Variants in TBC1D1 observed in about 807,000 individuals in gnomAD.
TBC1D1 encodes TBC1 domain family member 1, also known as TBC1 (tre-2/USP6, BUB2, cdc16) domain family, member 1.
Under a neutral mutation model 125.6 loss-of-function variants are expected in TBC1D1, and 89 were observed. That is an observed-to-expected ratio of 0.71 (90% confidence interval 0.60 to 0.85). The LOEUF (loss-of-function observed/expected upper bound fraction) is 0.85. TBC1D1 is among the 40% of genes least tolerant of loss of function. The pLI, the probability that TBC1D1 is intolerant of heterozygous loss-of-function variation, is 0.00. For synonymous variants in TBC1D1, 565 were observed against 564.1 expected, an observed-to-expected ratio of 1.00 and a Z score of -0.02; for missense variants, 1,377 against 1,469.2, an observed-to-expected ratio of 0.94 and a Z score of 1.03.
intron 2 of TBC1D1, among the ~76,000 whole-genome samples, chr4:37,921,904 T>A (rs535702025): frequency 4.0e-5 from 6 of 149,040 alleles, no homozygotes; most frequent in South Asian, 2.1e-4. Flanking sequence ...CCAGCTAATT[T>A]AAAAAAAAAA....
At position 38,014,695 on chromosome 4, in the gene TBC1D1, C is replaced by G. The variant is rs1431718474; in HGVS notation, c.604C>G (p.His202Asp). The stretch of plus-strand genomic sequence containing the variant: ...CGACGAGTGCATCGAGAAGTTCAAT[C>G]ACGTCAGCGGCAGCCGGGGGTCCGA... The change falls in exon 3 of 20, where the codon CAC becomes GAC. Residue 202 changes from histidine (H) to aspartate (D), a missense_variant. Physicochemically the swap from His to Asp is moderately conservative, Grantham distance 81. Transcript: ENST00000261439. The surrounding 1 kb of genome is among the most constrained non-coding windows in gnomAD (Gnocchi z 5.1). The G allele has an allele frequency of 2.5e-6, 4 of 1,612,886 alleles. No homozygotes were observed. The African/African-American group carries it at 5.3e-5, about 22-fold the overall frequency.
At chr4:38,012,875 C>G (rs865928340) in intron 2 of TBC1D1, among the ~76,000 whole-genome samples, 5 of 152,090 alleles carry the variant, frequency 3.3e-5, no homozygotes, top group South Asian at 4.1e-4. Context: ...CTCACTGCAA[C>G]CTCCGCCTCC....
At chr4:38,136,721 T>C (rs976499485) in intron 19 of TBC1D1, among the ~76,000 whole-genome samples, 2 of 152,210 alleles carry the variant, frequency 1.3e-5, no homozygotes, top group Admixed American at 6.5e-5. Context: ...AGTAACAAAC[T>C]TACAAGTCTC....
Position 37,992,493 on chromosome 4 carries a change from G to GTT in TBC1D1, c.418-21998_418-21997dup, listed in dbSNP as rs1006353203. On this transcript the variant is annotated intron_variant, in intron 2 of 19. Coordinates refer to ENST00000261439, the MANE Select transcript of TBC1D1 (RefSeq NM_015173.4). ...TAAGGTCAAGGACTAGAAGTCTGGT[G>GTT]TTTTTTTTTTTTTTTTTTTGAGACG... 1.1e-3 allele frequency among the ~76,000 whole-genome samples: 140 copies of GTT among 125,512 alleles called. 1 individual carries two copies. The highest frequency in any genetic ancestry group is 2.0e-3 in the Admixed American group (25 of 12,732). 82.3% of individuals were successfully genotyped at this position (125,512 alleles called of 152,430 possible).
Position 37,930,254 on chromosome 4 carries a change from A to G in TBC1D1, c.417+27742A>G, listed in dbSNP as rs1722993754. ...TCAAATCAGATGGGAGAAAATACAT[A>G]CTGTATGACTCCATGTATTTAAATT... is the stretch of plus-strand genomic sequence containing the variant. On this transcript the variant is annotated intron_variant, in intron 2 of 19. Transcript: ENST00000261439. Among the ~76,000 whole-genome samples the G allele has an allele frequency of 2.0e-5, 3 of 152,216 alleles. No individual in the cohort carries two copies. The South Asian group carries it at 6.2e-4, about 31-fold the overall frequency.
chr4:37,899,635 T>C (rs917158746), intron 1 of TBC1D1, among the ~76,000 whole-genome samples: 2 of 152,134 alleles, frequency 1.3e-5, no homozygotes, highest in Non-Finnish European at 2.9e-5. Flanking sequence ...TGGTACTCAA[T>C]AGAAGTCAGC....
intron 18 of TBC1D1, 38 bp downstream of exon 20, chr4:38,125,169 T>A: frequency 6.3e-7 from 1 of 1,592,154 alleles, no homozygotes; most frequent in Non-Finnish European, 8.6e-7. Flanking sequence ...GCTTAAGCCA[T>A]CCTAGATATG....
At chr4:37,981,589 AG>A (rs1439012968) in intron 2 of TBC1D1, among the ~76,000 whole-genome samples, 9 of 152,144 alleles carry the variant, frequency 5.9e-5, no homozygotes, top group African/African-American at 1.9e-4. Flanking sequence ...GGGGTGGTGC[AG>A]GGGTGGCATT....
intron 2 of TBC1D1, among the ~76,000 whole-genome samples, chr4:38,011,481 A>G (rs1255209256): frequency 1.3e-5 from 2 of 152,224 alleles, no homozygotes; most frequent in Non-Finnish European, 2.9e-5. Context: ...TACTTGACTA[A>G]CTTAAAGTAA....
intron 12 of TBC1D1, among the ~76,000 whole-genome samples, chr4:38,069,318 T>A (rs4832984): frequency 0.32 from 48,097 of 152,088 alleles, 8,007 homozygotes; most frequent in East Asian, 0.62. Flanking sequence ...TTCAGCTCCT[T>A]GTGAGAGGAA....
At chr4:37,949,987 T>A (rs1029400334) in intron 2 of TBC1D1, among the ~76,000 whole-genome samples, 3 of 152,154 alleles carry the variant, frequency 2.0e-5, no homozygotes, top group African/African-American at 4.8e-5. Context: ...ATACCCTTTT[T>A]TACTGGCCTT....
intron 2 of TBC1D1, among the ~76,000 whole-genome samples, chr4:38,000,444 T>C (rs1257995893): frequency 6.6e-6 from 1 of 152,234 alleles, no homozygotes; most frequent in East Asian, 1.9e-4. Context: ...TACTCACCAG[T>C]TGAGCATCCC....
chr4:37,995,759 C>T lies in TBC1D1; in HGVS notation c.418-18750C>T, dbSNP rs1460664540. The T allele has an allele frequency of 3.8e-6, 2 of 533,054 alleles. No homozygotes were observed. The highest frequency in any genetic ancestry group is 3.8e-5 in the African/African-American group (2 of 52,228). 33.0% of individuals were successfully genotyped at this position (533,054 alleles called of 1,614,324 possible). A position where few individuals can be genotyped will look rare whatever the true frequency, so the allele number is the denominator to read the frequency against. On this transcript the variant is annotated intron_variant, in intron 2 of 19. Coordinates refer to ENST00000261439, the MANE Select transcript of TBC1D1 (RefSeq NM_015173.4). The surrounding 1 kb of genome is among the most constrained non-coding windows in gnomAD (Gnocchi z 4.3). The stretch of plus-strand genomic sequence containing the variant: ...ACGGCTTGCACTTTGGTCTTAACTG[C>T]ATTCACCCTCTCCAGCACCTTCTCC...
chr4:38,104,835 A>G (rs1761003485), intron 15 of TBC1D1, among the ~76,000 whole-genome samples: 2 of 151,336 alleles, frequency 1.3e-5, no homozygotes, highest in South Asian at 4.2e-4. Context: ...AGCTCACTGC[A>G]AGCTCCGTCT....
intron 2 of TBC1D1, among the ~76,000 whole-genome samples, chr4:37,968,323 C>T (rs1731428173): frequency 6.6e-6 from 1 of 152,212 alleles, no homozygotes; most frequent in Non-Finnish European, 1.5e-5. Context: ...CCCTTTTACC[C>T]TGCAGTCTTC....
intron 2 of TBC1D1, among the ~76,000 whole-genome samples, chr4:37,935,160 A>C (rs1357549281): frequency 6.6e-6 from 1 of 152,178 alleles, no homozygotes; most frequent in Non-Finnish European, 1.5e-5. Context: ...ATGAGCAATG[A>C]GTATTTGTAG....
rs1207683732 is a variant in TBC1D1, at chr4:38,021,676, T to C, written c.1168T>C (p.Cys390Arg). 6.3e-7 allele frequency: 1 copy of C among 1,597,118 alleles called. No individual in the cohort carries two copies. Among genetic ancestry groups the C allele is most frequent in the Non-Finnish European group, 8.5e-7 (1 of 1,172,060 alleles). ...GGCGCCAGCCCAGCTGTGTGAGGGC[T>C]GCCCCCTGCAAAGCCTGCACAAGCT... The change falls in exon 6 of 20, where the codon TGC becomes CGC. Residue 390 changes from cysteine to arginine, a missense_variant. Physicochemically the swap from Cys to Arg is radical, Grantham distance 180 (BLOSUM62 -3). Around this residue, in one of 3 missense-constraint regions of TBC1D1, gnomAD observed 822 missense variants for 824.6 expected, o/e 1.00. Transcript: ENST00000261439.
At chr4:38,007,674 G>A (rs995318435) in intron 2 of TBC1D1, among the ~76,000 whole-genome samples, 1 of 152,194 alleles carries the variant, frequency 6.6e-6, no homozygotes, top group African/African-American at 2.4e-5. Context: ...TCATTTATGT[G>A]CTGCTTTATT....
At chr4:38,060,194 A>G (rs1262476569) in intron 12 of TBC1D1, among the ~76,000 whole-genome samples, 2 of 152,178 alleles carry the variant, frequency 1.3e-5, no homozygotes, top group Non-Finnish European at 2.9e-5. Context: ...ATATGCATGC[A>G]TGTATCTTTG....
Sources: allele counts gnomAD v4.1 joint callset (sites outside exome capture counted in the v4.1 genomes callset), GRCh38; gene constraint gnomAD v4.1.1; regional missense constraint gnomAD v4.1.1; non-coding constraint Gnocchi (gnomAD v3.1); transcripts MANE v1.5; gene names NCBI Gene and HGNC (gene_info 2026-07-23, HGNC 2026-07-21).